Variants in CADM1 observed in about 807,000 individuals in gnomAD.
CADM1 encodes the protein TSLC-1.
In CADM1, 15 loss-of-function variants were observed where a neutral mutation model predicts 53.1. The ratio of observed to expected loss-of-function variants is 0.28; its 90% confidence interval spans 0.19 to 0.44. The LOEUF is 0.44. Ranked by LOEUF, CADM1 falls within the 20% of genes least tolerant of loss-of-function variation. CADM1 has a pLI of 1.00. For synonymous variants in CADM1, 281 were observed against 243.0 expected, an observed-to-expected ratio of 1.16 and a Z score of -1.45; for missense variants, 434 against 611.3, an observed-to-expected ratio of 0.71 and a Z score of 3.06.
At chr11:115,231,872 G>A (rs1941827342) in intron 3 of CADM1, among the ~76,000 whole-genome samples, 1 of 152,120 alleles carries the variant, frequency 6.6e-6, no homozygotes, top group Non-Finnish European at 1.5e-5. Flanking sequence ...TGTAATCCCA[G>A]CTACTTGGGA....
intron 1 of CADM1, among the ~76,000 whole-genome samples, chr11:115,454,468 T>C (rs184618527): frequency 1.3e-5 from 2 of 152,338 alleles, no homozygotes; most frequent in Non-Finnish European, 2.9e-5. Flanking sequence ...CAGACAGACA[T>C]TTCTCTTTCA....
intron 10 of CADM1, among the ~76,000 whole-genome samples, chr11:115,183,903 C>T (rs181319190): frequency 6.6e-6 from 1 of 152,326 alleles, no homozygotes; most frequent in East Asian, 1.9e-4. Flanking sequence ...CTTCCCCCAT[C>T]CGTGGATGAC....
intron 1 of CADM1, among the ~76,000 whole-genome samples, chr11:115,289,853 C>T (rs1230130748): frequency 3.3e-5 from 5 of 152,088 alleles, no homozygotes; most frequent in African/African-American, 1.2e-4. Flanking sequence ...CCTCGGCCTC[C>T]CAAAGTGCTG....
At chr11:115,203,339 AG>A (rs1224919032) in intron 8 of CADM1, among the ~76,000 whole-genome samples, 1 of 152,168 alleles carries the variant, frequency 6.6e-6, no homozygotes, top group African/African-American at 2.4e-5. Flanking sequence ...GCTCAGTGGA[AG>A]GGGGTACAGA....
chr11:115,290,294 G>A (rs1228414268), intron 1 of CADM1, among the ~76,000 whole-genome samples: 3 of 152,072 alleles, frequency 2.0e-5, no homozygotes, highest in Non-Finnish European at 4.4e-5. Context: ...TACTGGGTTA[G>A]TTTTTTTTAA....
intron 1 of CADM1, among the ~76,000 whole-genome samples, chr11:115,376,291 A>C (rs980522437): frequency 7.9e-5 from 12 of 152,188 alleles, no homozygotes; most frequent in Admixed American, 2.0e-4. Context: ...ATACCTGCAC[A>C]TTAATGTTAA....
In CADM1 at chr11:115,175,276, T is replaced by C; in HGVS notation, c.*1198A>G. The C allele has an allele frequency of 4.1e-6, 4 of 985,610 alleles. No individual in the cohort carries two copies. Among genetic ancestry groups the C allele is most frequent in the Non-Finnish European group, 4.8e-6 (4 of 829,914 alleles). 61.1% of individuals were successfully genotyped at this position (985,610 alleles called of 1,614,324 possible). A position where few individuals can be genotyped will look rare whatever the true frequency, so the allele number is the denominator to read the frequency against. On this transcript the variant is annotated 3_prime_UTR_variant, in exon 12 of 12. Coordinates refer to ENST00000331581, the MANE Select transcript of CADM1 (RefSeq NM_001301043.2). ...CAAGCCAAATCTGAAGGAATGAAAG[T>C]TTCACACAGATTCGAGTTGGAAATC... is the stretch of plus-strand genomic sequence containing the variant.
At chr11:115,280,706 C>T (rs1025419885) in intron 1 of CADM1, among the ~76,000 whole-genome samples, 1 of 152,226 alleles carries the variant, frequency 6.6e-6, no homozygotes, top group Non-Finnish European at 1.5e-5. Flanking sequence ...GTATCTCCAT[C>T]AACAGAATTA....
At chr11:115,217,547 C>A (rs1274574484) in intron 6 of CADM1, among the ~76,000 whole-genome samples, 1 of 152,104 alleles carries the variant, frequency 6.6e-6, no homozygotes, top group Non-Finnish European at 1.5e-5. Context: ...GACATTAACA[C>A]AAAAGGTGGC....
chr11:115,491,269 T>G (rs937516400), intron 1 of CADM1, among the ~76,000 whole-genome samples: 2 of 151,770 alleles, frequency 1.3e-5, no homozygotes, highest in African/African-American at 4.8e-5. Flanking sequence ...ACTTGATGAA[T>G]TAAAAGAAAA....
At chr11:115,242,336 G>GAAA (rs200660668) in intron 1 of CADM1, among the ~76,000 whole-genome samples, 3 of 57,612 alleles carry the variant, frequency 5.2e-5, no homozygotes, top group African/African-American at 1.2e-4. Context: ...AAGGTGATCA[G>GAAA]AAAAAAAAAA....
At chr11:115,267,395 C>G (rs1478460028) in intron 1 of CADM1, among the ~76,000 whole-genome samples, 1 of 152,124 alleles carries the variant, frequency 6.6e-6, no homozygotes, top group South Asian at 2.1e-4. Context: ...TTTTAGCAGC[C>G]GTATTCTCAG....
chr11:115,169,607 G>T lies in CADM1; in HGVS notation c.*6867C>A. The T allele has an allele frequency of 2.2e-6, 1 of 456,618 alleles. No homozygotes were observed. The highest frequency in any genetic ancestry group is 4.4e-6 in the Non-Finnish European group (1 of 226,960). 28.3% of individuals were successfully genotyped at this position (456,618 alleles called of 1,614,324 possible). On this transcript the variant is annotated 3_prime_UTR_variant, in exon 12 of 12. Coordinates refer to ENST00000331581, the MANE Select transcript of CADM1 (RefSeq NM_001301043.2). ...GCCCTCATCACTTTATTCTGGGAGAGGAGGTTAGAGAAAACAGGCCTAGAG... is the reference window on the plus strand; with the variant it reads ...GCCCTCATCACTTTATTCTGGGAGATGAGGTTAGAGAAAACAGGCCTAGAG...
chr11:115,195,478 A>G lies in CADM1; in HGVS notation c.1111+2928T>C, dbSNP rs529398974. ...GAAATCCAGTATGAAAACTTTTAAG[A>G]CCAAATAAGATGCCCATAGCTGATT... On this transcript the variant is annotated intron_variant, in intron 9 of 11. Transcript: ENST00000331581. 3.9e-5 allele frequency among the ~76,000 whole-genome samples: 6 copies of G among 152,346 alleles called. No homozygotes were observed. The East Asian group carries it at 7.7e-4, about 20-fold the overall frequency.
chr11:115,403,723 A>G (rs1353000497), intron 1 of CADM1, among the ~76,000 whole-genome samples: 1 of 151,950 alleles, frequency 6.6e-6, no homozygotes, highest in East Asian at 2.0e-4. Flanking sequence ...CAGCCTCCCA[A>G]GTAGCTAGGA....
At chr11:115,250,139 G>A (rs190846533) in intron 1 of CADM1, among the ~76,000 whole-genome samples, 124 of 152,202 alleles carry the variant, frequency 8.1e-4, no homozygotes, top group African/African-American at 2.7e-3. Context: ...TCCTGACCTC[G>A]TGATCTGCCT....
At chr11:115,412,594 A>G (rs1315333134) in intron 1 of CADM1, among the ~76,000 whole-genome samples, 1 of 152,256 alleles carries the variant, frequency 6.6e-6, no homozygotes, top group Non-Finnish European at 1.5e-5. Flanking sequence ...GGAACTTAGT[A>G]TAAGACAAAT....
intron 1 of CADM1, among the ~76,000 whole-genome samples, chr11:115,248,695 G>A (rs76954839): frequency 0.01 from 1,528 of 152,122 alleles, 30 homozygotes; most frequent in African/African-American, 0.035. Context: ...TGGGCTTTTC[G>A]TTCATAAGCA....
At chr11:115,199,293 C>G (rs1451787313) in intron 8 of CADM1, among the ~76,000 whole-genome samples, 5 of 152,232 alleles carry the variant, frequency 3.3e-5, no homozygotes, top group Non-Finnish European at 4.4e-5. Context: ...CCACGTTCAC[C>G]ATTCTGAGGG....
Sources: gnomAD v4.1 joint callset for allele counts (sites outside exome capture counted in the v4.1 genomes callset) on GRCh38, gnomAD v4.1.1 for gene constraint, MANE v1.5 for transcripts, NCBI Gene and HGNC (gene_info 2026-07-23, HGNC 2026-07-21) for gene names.